The following ARHGAP39 variants were observed in gnomAD, a reference collection of about 807,000 sequenced individuals.
ARHGAP39 encodes the protein Rho GTPase activating protein 39.
A neutral mutation model predicts 106.9 loss-of-function variants in ARHGAP39; 44 were observed. The ratio of observed to expected loss-of-function variants is 0.41; its 90% CI spans 0.32 to 0.53. ARHGAP39 has a LOEUF of 0.53. Among genes scored for constraint, ARHGAP39 ranks in the 20% least tolerant of loss-of-function variants. ARHGAP39 has a pLI of 0.21. For synonymous variants in ARHGAP39, 768 were observed against 693.2 expected (o/e 1.11, Z -1.69); for missense variants, 1,496 against 1,577.3 (o/e 0.95, Z 0.87).
At chr8:144,544,153 C>T (rs1817306898) in intron 6 of ARHGAP39, among the ~76,000 whole-genome samples, 1 of 152,264 alleles carries the variant, frequency 6.6e-6, no homozygotes, top group South Asian at 2.1e-4. Flanking sequence ...AACTCTGCCT[C>T]TGCTGTGATC....
At chr8:144,692,748 CTTTTTTTTT>C in the ARHGAP39 span, among the ~76,000 whole-genome samples, 8 of 69,050 alleles carry the variant, frequency 1.2e-4, no homozygotes, top group African/African-American at 2.9e-4. Flanking sequence ...TTGTAAAATT[CTTTTTTTTT>C]TTTTTTTTTT....
In ARHGAP39 at chr8:144,530,228, C is replaced by T; in HGVS notation, c.*194G>A. On this transcript the variant is annotated 3_prime_UTR_variant, in exon 12 of 12. Coordinates refer to ENST00000377307, the MANE Select transcript of ARHGAP39 (RefSeq NM_025251.3). ...GGTGGGGGGCCAGAGGCGCCCTCCCCGCCGCTGCTGTGCCCTGGCTGCACC... is the reference window on the plus strand; with the variant it reads ...GGTGGGGGGCCAGAGGCGCCCTCCCTGCCGCTGCTGTGCCCTGGCTGCACC... 2 of 628,022 alleles carry T rather than the reference C, an allele frequency of 3.2e-6. No individual in the cohort carries two copies. The highest frequency in any genetic ancestry group is 5.3e-6 in the Non-Finnish European group (2 of 375,746). 38.9% of individuals were successfully genotyped at this position (628,022 alleles called of 1,614,324 possible). A position where few individuals can be genotyped will look rare whatever the true frequency, so the allele number is the denominator to read the frequency against.
the ARHGAP39 span, among the ~76,000 whole-genome samples, chr8:144,699,588 G>T: frequency 7.0e-6 from 1 of 143,176 alleles, no homozygotes; most frequent in South Asian, 2.3e-4. Context: ...GGTGGGCTGG[G>T]GGCACGGAGG....
chr8:144,629,307 C>G (rs547368841), intron 1 of ARHGAP39, among the ~76,000 whole-genome samples: 90 of 152,358 alleles, frequency 5.9e-4, no homozygotes, highest in African/African-American at 2.1e-3. Flanking sequence ...AAGAGCAGAC[C>G]CGCAGGCTCT....
rs367838474 is a variant in ARHGAP39 at position 144,547,991 on chromosome 8, G to T, written c.1095C>A (p.Pro365=). ...PFLQPNKQGP[P]SPCQQLVLTK... ...TGAGCACCAGCTGCTGGCAGGGCGAGGGGGGGCCCTGCTTGTTGGGCTGGA... is the reference window on the plus strand; with the variant it reads ...TGAGCACCAGCTGCTGGCAGGGCGATGGGGGGCCCTGCTTGTTGGGCTGGA... Residue 365 remains proline, a synonymous_variant, in exon 5 of 12, where the codon CCC becomes CCA. Coordinates refer to ENST00000377307, the MANE Select transcript of ARHGAP39 (RefSeq NM_025251.3). This position sits in a 1 kb window ranked among gnomAD's most constrained non-coding sequence, Gnocchi z 5.2. 1.1e-5 allele frequency: 18 copies of T among 1,607,962 alleles called. No homozygotes were observed. Among genetic ancestry groups the T allele is most frequent in the Non-Finnish European group, 1.4e-5 (17 of 1,177,694 alleles).
chr8:144,541,433 T>C (rs544577160), intron 6 of ARHGAP39, among the ~76,000 whole-genome samples: 1 of 152,390 alleles, frequency 6.6e-6, no homozygotes, highest in South Asian at 2.1e-4. Context: ...CAGACAGTTC[T>C]GTGACATTAA....
chr8:144,535,825 C>T (rs1270819619), intron 7 of ARHGAP39, among the ~76,000 whole-genome samples: 1 of 152,238 alleles, frequency 6.6e-6, no homozygotes, highest in African/African-American at 2.4e-5. Context: ...TCTCTCTGTG[C>T]CTCAGTTTAC....
At chr8:144,602,303 C>T (rs570338690) in intron 2 of ARHGAP39, among the ~76,000 whole-genome samples, 2,180 of 95,738 alleles carry the variant, frequency 0.023, 130 homozygotes, top group African/African-American at 0.09. Flanking sequence ...GCTCGTGTAC[C>T]TGTGTGTGTG....
Position 144,537,705 on chromosome 8 carries a change from C to CG in ARHGAP39, c.2614+15dup. 3 of 1,611,784 alleles carry CG rather than the reference C, an allele frequency of 1.9e-6. No individual in the cohort carries two copies. The highest frequency in any genetic ancestry group is 1.3e-5 in the African/African-American group (1 of 74,956). On this transcript the variant is annotated intron_variant, in intron 7 of 11. Coordinates refer to ENST00000377307, the MANE Select transcript of ARHGAP39 (RefSeq NM_025251.3). Reference sequence around the variant, plus strand: ...GTGCAGACGCCGCGCCCAGGGGCTGCGGGGAGAGGCCCTACCATCCGGCTC... The same window carrying CG: ...GTGCAGACGCCGCGCCCAGGGGCTGCGGGGGAGAGGCCCTACCATCCGGCTC...
intron 3 of ARHGAP39, among the ~76,000 whole-genome samples, chr8:144,575,051 A>G (rs1415654132): frequency 6.6e-6 from 1 of 152,238 alleles, no homozygotes; most frequent in Non-Finnish European, 1.5e-5. Flanking sequence ...ATGCCATTGT[A>G]AGACAATGGT....
At chr8:144,562,136 G>GGACTTACTCCAGTGGTTTCCATCA (rs1236245143) in intron 3 of ARHGAP39, among the ~76,000 whole-genome samples, 1 of 136,410 alleles carries the variant, frequency 7.3e-6, no homozygotes, top group East Asian at 2.1e-4. Flanking sequence ...GGTTTCCATC[G>GGACTTACTCCAGTGGTTTCCATCA]GACTTACTCC....
rs1238725787 is a variant in ARHGAP39 at position 144,647,021 on chromosome 8, TACA to T, written c.-82+38662_-82+38664del. Reference sequence around the variant, plus strand: ...GTCTCGCTTTATAGCCAGGCTGGAGTACAACGACACCATCTCGGCTCACTGCAA... The same window carrying T: ...GTCTCGCTTTATAGCCAGGCTGGAGTACGACACCATCTCGGCTCACTGCAA... On this transcript the variant is annotated intron_variant, in intron 1 of 11. Transcript: ENST00000377307. The surrounding 1 kb of genome is among the most constrained non-coding windows in gnomAD (Gnocchi z 4.8). Among the ~76,000 whole-genome samples, 3 of 145,390 alleles carry T rather than the reference TACA, an allele frequency of 2.1e-5. No homozygotes were observed. Among genetic ancestry groups the T allele is most frequent in the East Asian group, 2.1e-4 (1 of 4,814 alleles).
intron 3 of ARHGAP39, among the ~76,000 whole-genome samples, chr8:144,578,397 T>C (rs1395925531): frequency 6.6e-6 from 1 of 152,124 alleles, no homozygotes; most frequent in Non-Finnish European, 1.5e-5. Flanking sequence ...CCCAGCTAAT[T>C]TTGGTACTTT....
upstream of ARHGAP39, among the ~76,000 whole-genome samples, chr8:144,689,571 G>A (rs191217229): frequency 1.8e-3 from 272 of 149,860 alleles, 2 homozygotes; most frequent in African/African-American, 5.2e-3. Flanking sequence ...CGAGTAGCTG[G>A]GAGTACAGAT....
chr8:144,687,991 G>A (rs181625901), upstream of ARHGAP39, among the ~76,000 whole-genome samples: 660 of 139,620 alleles, frequency 4.7e-3, 28 homozygotes, highest in Admixed American at 0.04. Context: ...ACATACTAGC[G>A]GTGAGCACTT....
In ARHGAP39 at chr8:144,585,836, A is replaced by T. The variant is rs957057068; in HGVS notation, c.81-4559T>A. 2.6e-5 allele frequency among the ~76,000 whole-genome samples: 4 copies of T among 152,198 alleles called. No individual in the cohort carries two copies. The highest frequency in any genetic ancestry group is 5.9e-5 in the Non-Finnish European group (4 of 68,020). ...GAGAATCCAAGGATCACACAAATAAAAATGGCAACTGTTGAAAGGGGCTGG... is the reference window on the plus strand; with the variant it reads ...GAGAATCCAAGGATCACACAAATAATAATGGCAACTGTTGAAAGGGGCTGG... On this transcript the variant is annotated intron_variant, in intron 2 of 11. Transcript: ENST00000377307. This position sits in a 1 kb window ranked among gnomAD's most constrained non-coding sequence, Gnocchi z 4.6.
intron 10 of ARHGAP39, 60 bp from the exon 11 acceptor site, chr8:144,530,931 G>A: frequency 6.4e-7 from 1 of 1,557,108 alleles, no homozygotes; most frequent in East Asian, 2.3e-5. Flanking sequence ...GGCCAAATGG[G>A]GTCCCGTGGC....
At chr8:144,589,562 C>T (rs1819313500) in intron 2 of ARHGAP39, among the ~76,000 whole-genome samples, 1 of 152,252 alleles carries the variant, frequency 6.6e-6, no homozygotes, top group Non-Finnish European at 1.5e-5. Flanking sequence ...CTCTCCAGCT[C>T]CCAAACGAGG....
At chr8:144,688,992 G>A (rs533335261), upstream of ARHGAP39, among the ~76,000 whole-genome samples, 27 of 152,254 alleles carry the variant, frequency 1.8e-4, no homozygotes, top group African/African-American at 4.1e-4. Context: ...CTCCTGAGCC[G>A]GGGTGTTTCA....
Sources: allele counts gnomAD v4.1 joint callset (sites outside exome capture counted in the v4.1 genomes callset), GRCh38; gene constraint gnomAD v4.1.1; non-coding constraint Gnocchi (gnomAD v3.1); transcripts MANE v1.5; gene names NCBI Gene and HGNC (gene_info 2026-07-23, HGNC 2026-07-21).